The following LHFPL4 variants were observed in gnomAD, a reference collection of about 807,000 sequenced individuals.
The protein encoded by LHFPL4 is LHFPL tetraspan subfamily member 4.
LHFPL4 carries 6 observed loss-of-function variants against 20.0 expected under a neutral mutation model. That is an observed-to-expected ratio of 0.30 (90% confidence interval 0.16 to 0.59). LHFPL4 has a LOEUF of 0.59. LHFPL4 is among the 20% of genes least tolerant of loss of function. The pLI is 0.88. For missense variants in LHFPL4, 215 were observed against 331.2 expected (o/e 0.65, Z 2.72); for synonymous variants, 129 against 143.8 (o/e 0.90, Z 0.74).
chr3:9,552,191 G>C, intron 2 of LHFPL4, 83 bp downstream of exon 2: 9 of 1,503,930 alleles, frequency 6.0e-6, no homozygotes, highest in Non-Finnish European at 8.0e-6. Context: ...GAATCTATCC[G>C]ACTCCTTCAG....
intron 2 of LHFPL4, among the ~76,000 whole-genome samples, chr3:9,539,602 C>G (rs2125665662): frequency 7.7e-6 from 1 of 129,388 alleles, no homozygotes; most frequent in South Asian, 2.4e-4. Context: ...AACCCAGCAA[C>G]CATAAAAGAG....
intron 2 of LHFPL4, among the ~76,000 whole-genome samples, chr3:9,541,542 C>G (rs535408179): frequency 1.6e-4 from 24 of 151,824 alleles, no homozygotes; most frequent in African/African-American, 5.8e-4. Context: ...GAGGCCAAGG[C>G]GGGTGGATCA....
intron 2 of LHFPL4, among the ~76,000 whole-genome samples, chr3:9,518,096 T>C (rs1204892975): frequency 6.6e-6 from 1 of 152,088 alleles, no homozygotes; most frequent in East Asian, 1.9e-4. Context: ...TCCTAGTTCA[T>C]TGAGAGTTTT....
At chr3:9,502,433 G>A in intron 3 of LHFPL4, 122 bp from the exon 4 acceptor site, 2 of 716,556 alleles carry the variant, frequency 2.8e-6, no homozygotes, top group South Asian at 1.6e-5. Context: ...CGGGCGCGGT[G>A]GCTGACGCCT....
chr3:9,543,898 G>GT (rs2046494884), intron 2 of LHFPL4, among the ~76,000 whole-genome samples: 1 of 151,694 alleles, frequency 6.6e-6, no homozygotes, highest in Non-Finnish European at 1.5e-5. Context: ...TGCCCAGCTA[G>GT]TTTTTGTAGA....
In LHFPL4 at chr3:9,506,315, ACCACGTG is replaced by A; in HGVS notation, c.407-119_407-113del. 1.3e-6 allele frequency: 1 copy of A among 782,542 alleles called. No homozygotes were observed. The highest frequency in any genetic ancestry group is 1.6e-5 in the South Asian group (1 of 63,300). 48.5% of individuals were successfully genotyped at this position (782,542 alleles called of 1,614,324 possible). Reference sequence around the variant, plus strand: ...ACCCTATTGAGGGCACATCAACCCAACCACGTGCTTGTTACCCACTTCCACAGAGGGA... The same window carrying A: ...ACCCTATTGAGGGCACATCAACCCAACTTGTTACCCACTTCCACAGAGGGA... On this transcript the variant is annotated intron_variant, in intron 2 of 3. Transcript: ENST00000287585. The surrounding 1 kb of genome is among the most constrained non-coding windows in gnomAD (Gnocchi z 4.5).
Position 9,523,830 on chromosome 3 carries a change from A to ATT in LHFPL4, c.407-17629_407-17628dup, listed in dbSNP as rs1309198596. Among the ~76,000 whole-genome samples the ATT allele has an allele frequency of 2.0e-5, 3 of 151,700 alleles. No individual in the cohort carries two copies. The East Asian group carries it at 5.8e-4, about 29-fold the overall frequency. On this transcript the variant is annotated intron_variant, in intron 2 of 3. Transcript: ENST00000287585. The stretch of plus-strand genomic sequence containing the variant: ...GAGCTTCTAACCTATACTGTTTCCC[A>ATT]TTTTTTTCTCTAAAGAACTTCTTTG...
At chr3:9,513,007 G>A (rs923781614) in intron 2 of LHFPL4, among the ~76,000 whole-genome samples, 3 of 152,192 alleles carry the variant, frequency 2.0e-5, no homozygotes, top group Non-Finnish European at 4.4e-5. Flanking sequence ...CGCCCAGGCT[G>A]GAGTGCAGTG....
intron 2 of LHFPL4, among the ~76,000 whole-genome samples, chr3:9,529,537 A>C (rs1395266732): frequency 1.3e-5 from 2 of 152,252 alleles, no homozygotes; most frequent in African/African-American, 4.8e-5. Flanking sequence ...GCAGGCATGA[A>C]AACAGCATTA....
intron 2 of LHFPL4, among the ~76,000 whole-genome samples, chr3:9,517,646 C>T (rs1193796984): frequency 2.1e-5 from 3 of 144,838 alleles, no homozygotes; most frequent in South Asian, 2.2e-4. Flanking sequence ...ATGATTGAGC[C>T]GTTACACTCC....
chr3:9,504,911 T>C (rs1235244939), intron 3 of LHFPL4, among the ~76,000 whole-genome samples: 1 of 151,844 alleles, frequency 6.6e-6, no homozygotes, highest in East Asian at 1.9e-4. Flanking sequence ...AATAAATATA[T>C]CACTCTGTCA....
intron 2 of LHFPL4, among the ~76,000 whole-genome samples, chr3:9,526,302 A>G (rs1308883692): frequency 6.6e-6 from 1 of 152,176 alleles, no homozygotes; most frequent in African/African-American, 2.4e-5. Context: ...CTGGAGATGG[A>G]TGGTGGTAAT....
intron 2 of LHFPL4, among the ~76,000 whole-genome samples, chr3:9,539,879 TAGAA>T (rs1559522414): frequency 6.6e-6 from 1 of 152,130 alleles, no homozygotes; most frequent in East Asian, 1.9e-4. Context: ...TTCATAATAA[TAGAA>T]AGGCAAATTA....
At chr3:9,531,755 G>A (rs1345429969) in intron 2 of LHFPL4, among the ~76,000 whole-genome samples, 1 of 151,644 alleles carries the variant, frequency 6.6e-6, no homozygotes, top group Non-Finnish European at 1.5e-5. Context: ...GAGCCAAGAT[G>A]GGCCACTGCA....
chr3:9,521,384 T>C (rs557683847), intron 2 of LHFPL4, among the ~76,000 whole-genome samples: 17 of 151,394 alleles, frequency 1.1e-4, no homozygotes, highest in African/African-American at 2.4e-4. Context: ...ACCACCATGC[T>C]TGGCTAATTT....
intron 2 of LHFPL4, among the ~76,000 whole-genome samples, chr3:9,538,493 A>G (rs1213570793): frequency 6.6e-6 from 1 of 152,148 alleles, no homozygotes; most frequent in Non-Finnish European, 1.5e-5. Context: ...CACAACAACA[A>G]ATAATAATTG....
chr3:9,513,864 T>C (rs575637498), intron 2 of LHFPL4, among the ~76,000 whole-genome samples: 7 of 152,186 alleles, frequency 4.6e-5, no homozygotes, highest in Non-Finnish European at 1.0e-4. Flanking sequence ...TGGTAGGACA[T>C]CTCCATTGGT....
chr3:9,527,996 A>G (rs2046385878), intron 2 of LHFPL4, among the ~76,000 whole-genome samples: 1 of 152,182 alleles, frequency 6.6e-6, no homozygotes, highest in Admixed American at 6.5e-5. Flanking sequence ...GTGCAATAGC[A>G]TATGTCTAAA....
chr3:9,547,548 G>T (rs543604474), intron 2 of LHFPL4, among the ~76,000 whole-genome samples: 1 of 152,236 alleles, frequency 6.6e-6, no homozygotes, highest in Admixed American at 6.5e-5. Context: ...TTCACTAAAT[G>T]TGTGACCTTG....
Sources: gnomAD v4.1 joint callset for allele counts (sites outside exome capture counted in the v4.1 genomes callset) on GRCh38, gnomAD v4.1.1 for gene constraint, Gnocchi (gnomAD v3.1) non-coding constraint, MANE v1.5 for transcripts, NCBI Gene and HGNC (gene_info 2026-07-23, HGNC 2026-07-21) for gene names.